Variants in IP6K1 observed in about 807,000 individuals in gnomAD.
IP6K1 encodes the protein inositol hexakisphosphate kinase 1, also known as ATP:1D-myo-inositol-hexakisphosphate phosphotransferase.
In IP6K1, 13 loss-of-function variants were observed where a neutral mutation model predicts 38.3. The ratio of observed to expected loss-of-function variants is 0.34; its 90% confidence interval spans 0.22 to 0.54. The LOEUF (loss-of-function observed/expected upper bound fraction) is 0.54, where lower values mean the gene tolerates loss of function less well. Among genes scored for constraint, IP6K1 ranks in the 20% least tolerant of loss-of-function variants. IP6K1 has a pLI of 0.92. For synonymous variants in IP6K1, 212 were observed against 229.9 expected, an observed-to-expected ratio of 0.92 and a Z score of 0.70; for missense variants, 397 against 599.8, an observed-to-expected ratio of 0.66 and a Z score of 3.53.
intron 2 of IP6K1, among the ~76,000 whole-genome samples, chr3:49,740,892 C>T (rs1319301194): frequency 2.1e-5 from 3 of 143,986 alleles, no homozygotes; most frequent in Non-Finnish European, 4.5e-5. Context: ...CTTGCTCTGT[C>T]GCCCAGGCTG....
rs186837437 is a variant in IP6K1 at position 49,775,485 on chromosome 3, G to A, written c.-129+10869C>T. 1.5e-3 allele frequency: 965 copies of A among 646,380 alleles called. 2 individuals are homozygous for A. Among genetic ancestry groups the A allele is most frequent in the Middle Eastern group, 4.5e-3 (13 of 2,914 alleles). The allele number at this position is 646,380 out of a possible 1,614,324, so 40.0% of individuals were successfully genotyped here. A position where few individuals can be genotyped will look rare whatever the true frequency, so the allele number is the denominator to read the frequency against. On this transcript the variant is annotated intron_variant, in intron 1 of 5. Coordinates refer to ENST00000321599, the MANE Select transcript of IP6K1 (RefSeq NM_153273.4). ...CTGTGGAGGCCCTGGGGTCTCTGGTGCCTATTACTGTAAGGAGTGCACCAT... is the reference window on the plus strand; with the variant it reads ...CTGTGGAGGCCCTGGGGTCTCTGGTACCTATTACTGTAAGGAGTGCACCAT...
At chr3:49,751,811 T>G (rs574094711) in intron 1 of IP6K1, among the ~76,000 whole-genome samples, 1 of 152,318 alleles carries the variant, frequency 6.6e-6, no homozygotes, top group South Asian at 2.1e-4. Context: ...AAGAACTTGC[T>G]GAGATTCTGA....
At chr3:49,762,180 G>A (rs2080873464) in intron 1 of IP6K1, among the ~76,000 whole-genome samples, 1 of 152,150 alleles carries the variant, frequency 6.6e-6, no homozygotes, top group South Asian at 2.1e-4. Flanking sequence ...TCAAACTCCT[G>A]TACTCAAGTG....
At chr3:49,746,542 T>C (rs948805750) in intron 2 of IP6K1, among the ~76,000 whole-genome samples, 18 of 140,904 alleles carry the variant, frequency 1.3e-4, no homozygotes, top group Non-Finnish European at 2.0e-4. Context: ...TGGTGGCACA[T>C]GTCTGTAATC....
intron 4 of IP6K1, among the ~76,000 whole-genome samples, chr3:49,730,772 A>G (rs929952340): frequency 2.0e-5 from 3 of 151,906 alleles, no homozygotes; most frequent in African/African-American, 7.3e-5. Flanking sequence ...GCTGGAGTGC[A>G]ATGGCGCAAT....
At chr3:49,746,337 T>G (rs1350790682) in intron 2 of IP6K1, among the ~76,000 whole-genome samples, 1 of 149,310 alleles carries the variant, frequency 6.7e-6, no homozygotes, top group Non-Finnish European at 1.5e-5. Flanking sequence ...ATAAACAAAA[T>G]GTGGTATACA....
chr3:49,734,268 GTAACCA>G (rs1252207982), intron 3 of IP6K1, among the ~76,000 whole-genome samples: 1 of 152,002 alleles, frequency 6.6e-6, no homozygotes, highest in Non-Finnish European at 1.5e-5. Context: ...TTTGCTTGAA[GTAACCA>G]ACAATACTGT....
At chr3:49,761,945 C>G (rs998239216) in intron 1 of IP6K1, among the ~76,000 whole-genome samples, 10 of 151,788 alleles carry the variant, frequency 6.6e-5, no homozygotes, top group South Asian at 2.1e-4. Flanking sequence ...AACCCTGTCT[C>G]TCTCTCTTTC....
At chr3:49,756,306 C>A (rs1436610689) in intron 1 of IP6K1, among the ~76,000 whole-genome samples, 1 of 152,126 alleles carries the variant, frequency 6.6e-6, no homozygotes, top group African/African-American at 2.4e-5. Flanking sequence ...TAATTTAGGT[C>A]AAGGAGAGAA....
chr3:49,754,235 G>T (rs1162656777), intron 1 of IP6K1, among the ~76,000 whole-genome samples: 1 of 152,044 alleles, frequency 6.6e-6, no homozygotes, highest in Non-Finnish European at 1.5e-5. Flanking sequence ...AATTAGCCAG[G>T]CGTGGTGGTG....
At chr3:49,781,273 G>C (rs1018525918) in intron 1 of IP6K1, among the ~76,000 whole-genome samples, 2 of 152,172 alleles carry the variant, frequency 1.3e-5, no homozygotes, top group Non-Finnish European at 2.9e-5. Context: ...ATGTTGGCTA[G>C]GCTGGTCTCG....
At chr3:49,751,464 CT>C (rs538104106) in intron 1 of IP6K1, among the ~76,000 whole-genome samples, 6 of 148,820 alleles carry the variant, frequency 4.0e-5, no homozygotes, top group Non-Finnish European at 7.5e-5. Flanking sequence ...CCAACCCTGA[CT>C]TTTTTTTTTA....
chr3:49,733,972 A>G (rs1049131876), intron 3 of IP6K1, among the ~76,000 whole-genome samples: 10 of 152,092 alleles, frequency 6.6e-5, no homozygotes, highest in African/African-American at 2.4e-4. Context: ...TGTACAAAAA[A>G]TTTAAAAATT....
chr3:49,754,476 G>C (rs955271885), intron 1 of IP6K1, among the ~76,000 whole-genome samples: 1 of 152,158 alleles, frequency 6.6e-6, no homozygotes. Context: ...TTGAGGCCAG[G>C]AGTTCAAGAC....
chr3:49,776,633 A>T (rs2081011049), intron 1 of IP6K1, among the ~76,000 whole-genome samples: 1 of 152,178 alleles, frequency 6.6e-6, no homozygotes. Flanking sequence ...GCCTTGTTTA[A>T]CCTCAGCTAG....
chr3:49,776,314 C>T (rs780868119), intron 1 of IP6K1, among the ~76,000 whole-genome samples: 9 of 151,924 alleles, frequency 5.9e-5, no homozygotes, highest in Admixed American at 5.9e-4. Context: ...GCCAGGAGCT[C>T]GAGGCCAGCC....
At chr3:49,772,847 A>G (rs1321749455) in intron 1 of IP6K1, among the ~76,000 whole-genome samples, 4 of 149,766 alleles carry the variant, frequency 2.7e-5, no homozygotes, top group Admixed American at 1.3e-4. Context: ...TTTTTTAAAG[A>G]CAGAGTCTCA....
At chr3:49,735,961 G>A (rs2080607188) in intron 3 of IP6K1, among the ~76,000 whole-genome samples, 1 of 152,168 alleles carries the variant, frequency 6.6e-6, no homozygotes, top group African/African-American at 2.4e-5. Flanking sequence ...TTGTTGCCCA[G>A]GCTGGAGTGC....
At chr3:49,730,208 A>T (rs2080551027) in intron 4 of IP6K1, among the ~76,000 whole-genome samples, 1 of 151,776 alleles carries the variant, frequency 6.6e-6, no homozygotes. Context: ...CCTAATTTTT[A>T]ATGTTTTTTT....
Sources: gnomAD v4.1 joint callset for allele counts (sites outside exome capture counted in the v4.1 genomes callset) on GRCh38, gnomAD v4.1.1 for gene constraint, MANE v1.5 for transcripts, NCBI Gene and HGNC (gene_info 2026-07-23, HGNC 2026-07-21) for gene names.